The following RSRC1 variants were observed in gnomAD, a reference collection of about 807,000 sequenced individuals.
RSRC1 encodes the protein serine/Arginine-related protein 53.
RSRC1 carries 39 observed loss-of-function variants against 49.1 expected under a neutral mutation model. The observed-to-expected ratio is 0.79, with a 90% CI of 0.61 to 1.04. The LOEUF is 1.04. Ranked by LOEUF, RSRC1 falls within the 50% of genes least tolerant of loss-of-function variation. The pLI is 0.00. For synonymous variants in RSRC1, 143 were observed against 130.8 expected, an observed-to-expected ratio of 1.09 and a Z score of -0.63; for missense variants, 388 against 402.4, an observed-to-expected ratio of 0.96 and a Z score of 0.31.
intron 4 of RSRC1, among the ~76,000 whole-genome samples, chr3:158,229,339 T>C (rs1722796054): frequency 2.0e-5 from 3 of 147,550 alleles, no homozygotes; most frequent in Non-Finnish European, 4.5e-5. Context: ...TATATGTGTA[T>C]GTATGTATAT....
intron 5 of RSRC1, among the ~76,000 whole-genome samples, chr3:158,354,032 T>C (rs2108237837): frequency 6.9e-6 from 1 of 145,110 alleles, no homozygotes; most frequent in South Asian, 2.2e-4. Context: ...GGAGTCTTGC[T>C]CTATTGCCAG....
chr3:158,489,221 A>C (rs1168520158), intron 7 of RSRC1, among the ~76,000 whole-genome samples: 1 of 152,242 alleles, frequency 6.6e-6, no homozygotes, highest in African/African-American at 2.4e-5. Context: ...TTAAAACTTT[A>C]GAAAAACTCT....
chr3:158,328,314 T>G (rs987182661), intron 5 of RSRC1, among the ~76,000 whole-genome samples: 2 of 152,212 alleles, frequency 1.3e-5, no homozygotes, highest in Non-Finnish European at 2.9e-5. Flanking sequence ...GTTGATGCAG[T>G]TTCTTCCTAG....
intron 4 of RSRC1, among the ~76,000 whole-genome samples, chr3:158,217,803 AT>A (rs1162180382): frequency 6.6e-6 from 1 of 150,816 alleles, no homozygotes; most frequent in African/African-American, 2.4e-5. Context: ...CATAAATATC[AT>A]TTTTAGTAGT....
At chr3:158,268,503 G>A (rs984662333) in intron 4 of RSRC1, among the ~76,000 whole-genome samples, 14 of 152,164 alleles carry the variant, frequency 9.2e-5, no homozygotes, top group African/African-American at 2.7e-4. Context: ...GAACCCAAAG[G>A]CTGGGGTCTT....
intron 6 of RSRC1, among the ~76,000 whole-genome samples, chr3:158,452,188 G>T (rs183610987): frequency 1.3e-5 from 2 of 152,072 alleles, no homozygotes; most frequent in Non-Finnish European, 2.9e-5. Flanking sequence ...ATATTAAACT[G>T]TGATTCACAG....
At chr3:158,266,565 C>G (rs534602940) in intron 4 of RSRC1, among the ~76,000 whole-genome samples, 1 of 152,208 alleles carries the variant, frequency 6.6e-6, no homozygotes, top group East Asian at 1.9e-4. Flanking sequence ...TACTTTTTAT[C>G]ATTACATTTT....
At chr3:158,532,503 T>TATAAAA (rs1329804277) in intron 7 of RSRC1, among the ~76,000 whole-genome samples, 1 of 151,812 alleles carries the variant, frequency 6.6e-6, no homozygotes, top group Non-Finnish European at 1.5e-5. Context: ...AAATGTGAAA[T>TATAAAA]TGTCAAATAT....
chr3:158,150,405 A>G (rs930871646), intron 3 of RSRC1, among the ~76,000 whole-genome samples: 16 of 152,214 alleles, frequency 1.1e-4, no homozygotes, highest in Admixed American at 1.0e-3. Flanking sequence ...TCTGACTTGA[A>G]CACAGTTTCT....
chr3:158,480,973 A>G (rs1334947255), intron 7 of RSRC1, among the ~76,000 whole-genome samples: 2 of 152,046 alleles, frequency 1.3e-5, no homozygotes, highest in Non-Finnish European at 2.9e-5. Context: ...CTAATTCAAC[A>G]GAATTAAGAT....
intron 5 of RSRC1, among the ~76,000 whole-genome samples, chr3:158,346,195 C>G (rs771522429): frequency 2.0e-5 from 3 of 151,980 alleles, no homozygotes; most frequent in Non-Finnish European, 4.4e-5. Context: ...GTCTGTAATC[C>G]CAGCACCTTG....
At chr3:158,417,751 T>C (rs1486149430) in intron 6 of RSRC1, among the ~76,000 whole-genome samples, 1 of 150,844 alleles carries the variant, frequency 6.6e-6, no homozygotes, top group African/African-American at 2.4e-5. Flanking sequence ...TCAGTTCTTA[T>C]TTATTAATAT....
chr3:158,274,262 G>A (rs1725681070), intron 4 of RSRC1, among the ~76,000 whole-genome samples: 1 of 152,002 alleles, frequency 6.6e-6, no homozygotes, highest in Non-Finnish European at 1.5e-5. Context: ...TTCAATGCCT[G>A]TAAAACTGAT....
At chr3:158,157,368 C>T (rs1176490724) in intron 3 of RSRC1, among the ~76,000 whole-genome samples, 1 of 152,062 alleles carries the variant, frequency 6.6e-6, no homozygotes, top group Non-Finnish European at 1.5e-5. Flanking sequence ...ACAACTGTAT[C>T]GAGGACTCAC....
At chr3:158,459,686 T>C (rs1309542085) in intron 6 of RSRC1, among the ~76,000 whole-genome samples, 2 of 152,060 alleles carry the variant, frequency 1.3e-5, no homozygotes, top group Non-Finnish European at 2.9e-5. Context: ...GTTTTTATTA[T>C]CTAATTTAAT....
At chr3:158,420,661 T>A (rs148049936) in intron 6 of RSRC1, among the ~76,000 whole-genome samples, 59 of 152,068 alleles carry the variant, frequency 3.9e-4, no homozygotes, top group African/African-American at 1.3e-3. Flanking sequence ...TAAATGAAAT[T>A]CCTAATTTTC....
chr3:158,350,893 C>G (rs181304098), intron 5 of RSRC1, among the ~76,000 whole-genome samples: 52 of 152,236 alleles, frequency 3.4e-4, no homozygotes, highest in African/African-American at 1.2e-3. Context: ...TTTTAGCACG[C>G]AGGCCCCAAA....
intron 6 of RSRC1, among the ~76,000 whole-genome samples, chr3:158,396,769 A>G (rs932693113): frequency 6.6e-6 from 1 of 152,154 alleles, no homozygotes; most frequent in African/African-American, 2.4e-5. Context: ...TTACATGAAC[A>G]TTATTTCTGC....
At chr3:158,125,949 A>G (rs966656638) in intron 3 of RSRC1, among the ~76,000 whole-genome samples, 2 of 152,106 alleles carry the variant, frequency 1.3e-5, no homozygotes, top group African/African-American at 4.8e-5. Context: ...TTATCATTAT[A>G]TAATTTTCTT....
Sources: gnomAD v4.1 joint callset for allele counts (sites outside exome capture counted in the v4.1 genomes callset) on GRCh38, gnomAD v4.1.1 for gene constraint, MANE v1.5 for transcripts, NCBI Gene and HGNC (gene_info 2026-07-23, HGNC 2026-07-21) for gene names.